Variants in DSE observed in about 807,000 individuals in gnomAD.
The protein encoded by DSE is dermatan sulfate epimerase, also known as dermatan-sulfate epimerase.
In DSE, 36 loss-of-function variants were observed where a neutral mutation model predicts 84.4. The observed-to-expected ratio is 0.43, with a 90% CI of 0.33 to 0.56. The LOEUF (loss-of-function observed/expected upper bound fraction) is 0.56, where lower values mean the gene tolerates loss of function less well. Ranked by LOEUF, DSE falls within the 20% of genes least tolerant of loss-of-function variation. DSE has a pLI of 0.06. For synonymous variants in DSE, 410 were observed against 430.1 expected (o/e 0.95, Z 0.58); for missense variants, 862 against 1,169.6 (o/e 0.74, Z 3.84).
chr6:116,389,554 A>C (rs563628388), intron 1 of DSE, among the ~76,000 whole-genome samples: 58 of 152,314 alleles, frequency 3.8e-4, no homozygotes, highest in African/African-American at 1.3e-3. Context: ...CCTCTTAACC[A>C]TCTCACCAGT....
intron 2 of DSE, among the ~76,000 whole-genome samples, chr6:116,324,236 A>T (rs535697146): frequency 1.3e-5 from 2 of 152,160 alleles, no homozygotes; most frequent in African/African-American, 2.4e-5. Flanking sequence ...ATCTTACTTC[A>T]TCAGCTTGCC....
At chr6:116,344,211 C>T (rs1196611628) in intron 2 of DSE, among the ~76,000 whole-genome samples, 3 of 152,218 alleles carry the variant, frequency 2.0e-5, no homozygotes, top group African/African-American at 7.2e-5. Context: ...AAACACTCTT[C>T]AGGATATTAT....
At chr6:116,341,674 G>T (rs1398351815) in intron 2 of DSE, among the ~76,000 whole-genome samples, 2 of 152,170 alleles carry the variant, frequency 1.3e-5, no homozygotes. Context: ...TTTGTATAAG[G>T]TGTAAGGAAG....
chr6:116,352,785 A>G (rs1778376692), intron 2 of DSE, among the ~76,000 whole-genome samples: 1 of 152,202 alleles, frequency 6.6e-6, no homozygotes, highest in African/African-American at 2.4e-5. Context: ...GCCTTAGGGC[A>G]AGTCTGGGCA....
chr6:116,354,333 AC>A (rs1442876376), intron 2 of DSE, among the ~76,000 whole-genome samples: 1 of 152,182 alleles, frequency 6.6e-6, no homozygotes, highest in Non-Finnish European at 1.5e-5. Flanking sequence ...TGTGGACCTT[AC>A]AACTGCTCTG....
chr6:116,368,027 C>T (rs1411516960), upstream of DSE, among the ~76,000 whole-genome samples: 1 of 152,160 alleles, frequency 6.6e-6, no homozygotes, highest in Non-Finnish European at 1.5e-5. Flanking sequence ...AGACATGAAC[C>T]ACAATTCACT....
In DSE at chr6:116,437,027, T is replaced by C; in HGVS notation, c.2559T>C (p.Asp853=). Residue 853 remains aspartate, a synonymous_variant, in exon 6 of 6, where the codon GAT becomes GAC. Coordinates refer to ENST00000644252, the MANE Select transcript of DSE (RefSeq NM_013352.4). ...AGAAAGAACTACCCATAGATGAAGA[T>C]GAAGAAATGAAAGACCTTTTAGATT... The part of the protein sequence containing the change: ...LAQKELPIDE[D]EEMKDLLDFA... The C allele has an allele frequency of 1.2e-6, 2 of 1,614,014 alleles. No individual in the cohort carries two copies. Among genetic ancestry groups the C allele is most frequent in the Non-Finnish European group, 1.7e-6 (2 of 1,179,968 alleles).
intron 2 of DSE, among the ~76,000 whole-genome samples, chr6:116,346,952 C>G (rs780402832): frequency 6.6e-6 from 1 of 152,160 alleles, no homozygotes; most frequent in Non-Finnish European, 1.5e-5. Context: ...ATGCAAAAAT[C>G]ACAAGCATTC....
intron 2 of DSE, among the ~76,000 whole-genome samples, chr6:116,259,653 A>G (rs905330088): frequency 2.0e-5 from 3 of 152,082 alleles, no homozygotes; most frequent in Admixed American, 6.5e-5. Context: ...CCCTCTCCCA[A>G]CCCTCCATCC....
In DSE at chr6:116,444,628, T is replaced by C. The variant is rs1784526358; in HGVS notation, c.*7283T>C. The C allele has an allele frequency of 6.6e-6, 1 of 152,144 alleles. No homozygotes were observed. The highest frequency in any genetic ancestry group is 1.9e-4 in the East Asian group (1 of 5,194). The allele number at this position is 152,144 out of a possible 1,614,324, so 9.4% of individuals were successfully genotyped here. A position where few individuals can be genotyped will look rare whatever the true frequency, so the allele number is the denominator to read the frequency against. ...GTGATAGTATTAGGATGTGGGGCCT[T>C]TGGAAAGTGATTAGGTTATGAAGGT... On this transcript the variant is annotated 3_prime_UTR_variant, in exon 6 of 6. Coordinates refer to ENST00000644252, the MANE Select transcript of DSE (RefSeq NM_013352.4).
intron 2 of DSE, among the ~76,000 whole-genome samples, chr6:116,261,807 G>T (rs1772426345): frequency 6.6e-6 from 1 of 152,184 alleles, no homozygotes; most frequent in East Asian, 1.9e-4. Context: ...TAACATGAAG[G>T]AGTGTTGAAT....
In DSE at chr6:116,436,381, G is replaced by C. The variant is rs372851752; in HGVS notation, c.1913G>C (p.Gly638Ala). Residue 638 changes from glycine to alanine, a missense_variant, in exon 6 of 6, where the codon GGC becomes GCC. Gly to Ala is a moderately conservative substitution (Grantham distance 60, BLOSUM62 0). Transcript: ENST00000644252. Reference protein sequence around the residue: ...ATFASVTYPRGYPYNGTNYVN... With the variant: ...ATFASVTYPRAYPYNGTNYVN... ...TTTGCCTCAGTGACATATCCTCGGGGCTATCCCTACAATGGGACAAACTAT... is the reference window on the plus strand; with the variant it reads ...TTTGCCTCAGTGACATATCCTCGGGCCTATCCCTACAATGGGACAAACTAT... 6.2e-7 allele frequency: 1 copy of C among 1,614,024 alleles called. No individual in the cohort carries two copies. Among genetic ancestry groups the C allele is most frequent in the African/African-American group, 1.3e-5 (1 of 74,902 alleles).
intron 2 of DSE, among the ~76,000 whole-genome samples, chr6:116,287,495 C>A (rs1773991527): frequency 6.6e-6 from 1 of 151,952 alleles, no homozygotes; most frequent in African/African-American, 2.4e-5. Flanking sequence ...CTTGGTGATA[C>A]TTAAATAATA....
intron 2 of DSE, among the ~76,000 whole-genome samples, chr6:116,308,695 T>G (rs1775491675): frequency 1.3e-5 from 2 of 152,182 alleles, no homozygotes; most frequent in Non-Finnish European, 2.9e-5. Flanking sequence ...GGGTTTTTTT[T>G]GAGATGGAGT....
intron 2 of DSE, among the ~76,000 whole-genome samples, chr6:116,282,227 G>A (rs917653057): frequency 6.6e-6 from 1 of 152,188 alleles, no homozygotes. Context: ...TACTTTTGGT[G>A]TAAATAAAAA....
intron 2 of DSE, among the ~76,000 whole-genome samples, chr6:116,270,359 T>G (rs1772827147): frequency 1.3e-5 from 2 of 152,296 alleles, no homozygotes; most frequent in South Asian, 4.1e-4. Context: ...AACACAACTC[T>G]TAATTGTATT....
At chr6:116,427,518 C>T (rs929046) in intron 3 of DSE, among the ~76,000 whole-genome samples, 37,389 of 152,122 alleles carry the variant, frequency 0.25, 4,865 homozygotes, top group African/African-American at 0.32. Context: ...CTCGATTATA[C>T]TCCCCATAAG....
At chr6:116,373,452 T>C (rs1026840246) in intron 1 of DSE, among the ~76,000 whole-genome samples, 1 of 152,228 alleles carries the variant, frequency 6.6e-6, no homozygotes, top group Non-Finnish European at 1.5e-5. Context: ...TACTGCTAGA[T>C]TGAGGCTGTC....
At chr6:116,355,676 GCAGA>G (rs1778530603) in intron 2 of DSE, 1 of 152,116 alleles carries the variant, frequency 6.6e-6, no homozygotes, top group Non-Finnish European at 1.5e-5. Flanking sequence ...ATACTAAATT[GCAGA>G]CACTCAAAGG....
Sources: allele counts gnomAD v4.1 joint callset (sites outside exome capture counted in the v4.1 genomes callset), GRCh38; gene constraint gnomAD v4.1.1; transcripts MANE v1.5; gene names NCBI Gene and HGNC (gene_info 2026-07-23, HGNC 2026-07-21).